Variants in EPB41L4B observed in about 807,000 individuals in gnomAD.
EPB41L4B encodes erythrocyte membrane protein band 4.1 like 4B.
EPB41L4B carries 30 observed loss-of-function variants against 112.5 expected under a neutral mutation model. The observed-to-expected ratio is 0.27, with a 90% confidence interval of 0.20 to 0.36. The LOEUF (loss-of-function observed/expected upper bound fraction) is 0.36, where lower values mean the gene tolerates loss of function less well. EPB41L4B is among the 10% of genes least tolerant of loss of function. EPB41L4B has a pLI of 1.00. For synonymous variants in EPB41L4B, 408 were observed against 439.7 expected (o/e 0.93, Z 0.90); for missense variants, 1,024 against 1,133.3 (o/e 0.90, Z 1.38).
intron 2 of EPB41L4B, among the ~76,000 whole-genome samples, chr9:109,274,402 A>G (rs1391862645): frequency 3.3e-5 from 5 of 151,956 alleles, no homozygotes; most frequent in Non-Finnish European, 5.9e-5. Context: ...TTTCTCTTGG[A>G]TATCTTGTTC....
intron 1 of EPB41L4B, among the ~76,000 whole-genome samples, chr9:109,312,354 T>C (rs543117392): frequency 1.3e-5 from 2 of 152,314 alleles, no homozygotes; most frequent in Admixed American, 6.5e-5. Context: ...TGTTGAATTA[T>C]GGCCATCAAA....
At chr9:109,276,137 A>ATAT in intron 2 of EPB41L4B, among the ~76,000 whole-genome samples, 2 of 148,290 alleles carry the variant, frequency 1.3e-5, no homozygotes, top group South Asian at 4.3e-4. Context: ...TATATACATA[A>ATAT]TATATACGTG....
chr9:109,212,954 G>A (rs991982959), intron 17 of EPB41L4B, among the ~76,000 whole-genome samples: 3 of 152,196 alleles, frequency 2.0e-5, no homozygotes, highest in East Asian at 3.9e-4. Context: ...GTTGAGAAAC[G>A]CTGGCAAAGA....
intron 15 of EPB41L4B, chr9:109,240,545 T>A (rs1588162649): frequency 2.0e-6 from 2 of 985,210 alleles, no homozygotes; most frequent in Non-Finnish European, 2.4e-6. Flanking sequence ...TCAGGTCTAT[T>A]ATTAAGAGAA....
intron 1 of EPB41L4B, among the ~76,000 whole-genome samples, chr9:109,303,082 A>C (rs192857879): frequency 5.8e-4 from 79 of 136,452 alleles, no homozygotes; most frequent in African/African-American, 1.9e-3. Flanking sequence ...CCCCATCTCT[A>C]AAAAAAAAAA....
At chr9:109,183,800 T>C (rs1832152631) in intron 23 of EPB41L4B, among the ~76,000 whole-genome samples, 1 of 152,216 alleles carries the variant, frequency 6.6e-6, no homozygotes, top group South Asian at 2.1e-4. Flanking sequence ...AGGTCTTGCC[T>C]GTGGACACTG....
intron 15 of EPB41L4B, among the ~76,000 whole-genome samples, chr9:109,219,308 C>T (rs1833492646): frequency 1.3e-5 from 2 of 152,064 alleles, no homozygotes; most frequent in African/African-American, 2.4e-5. Flanking sequence ...TTGTAACAGG[C>T]AAGCAGGGCC....
At chr9:109,243,212 CAAAAAAAAA>C (rs58092749) in intron 15 of EPB41L4B, among the ~76,000 whole-genome samples, 1 of 52,282 alleles carries the variant, frequency 1.9e-5, no homozygotes, top group Non-Finnish European at 3.1e-5. Flanking sequence ...CCCACCCCCG[CAAAAAAAAA>C]AAAAAAAAAA....
intron 2 of EPB41L4B, among the ~76,000 whole-genome samples, chr9:109,269,896 T>G (rs3793556): frequency 0.54 from 82,711 of 151,962 alleles, 22,846 homozygotes; most frequent in East Asian, 0.67. Context: ...TATGACTGTG[T>G]GGGAGGAAGG....
intron 22 of EPB41L4B, 133 bp downstream of exon 22, chr9:109,192,145 G>T: frequency 1.4e-6 from 1 of 728,680 alleles, no homozygotes; most frequent in Non-Finnish European, 2.3e-6. Context: ...CTGGATGAAA[G>T]CTGATCCCTG....
chr9:109,289,504 A>T (rs1485793907), intron 1 of EPB41L4B, among the ~76,000 whole-genome samples: 1 of 152,186 alleles, frequency 6.6e-6, no homozygotes, highest in Admixed American at 6.5e-5. Flanking sequence ...AAACATAAAC[A>T]CTAATGTGGA....
intron 25 of EPB41L4B, among the ~76,000 whole-genome samples, chr9:109,175,486 C>G (rs979873693): frequency 2.0e-5 from 3 of 150,486 alleles, no homozygotes; most frequent in African/African-American, 7.4e-5. Context: ...CACACACACA[C>G]ACACACACAC....
Position 109,279,929 on chromosome 9 carries a change from A to G in EPB41L4B, c.307-8T>C, listed in dbSNP as rs377240386. On this transcript the variant is annotated splice_region_variant and splice_polypyrimidine_tract_variant and intron_variant, in intron 1 of 25. Coordinates refer to ENST00000374566, the MANE Select transcript of EPB41L4B (RefSeq NM_019114.5). ...CTGGCCTTTGGCATGTTTCTGGAAG[A>G]CAATTGGGAAGATGAAAAAACTTAG... 6.2e-7 allele frequency: 1 copy of G among 1,610,372 alleles called. No individual in the cohort carries two copies. The highest frequency in any genetic ancestry group is 8.5e-7 in the Non-Finnish European group (1 of 1,178,522).
intron 19 of EPB41L4B, among the ~76,000 whole-genome samples, chr9:109,202,465 C>T (rs936024395): frequency 4.6e-5 from 7 of 152,190 alleles, no homozygotes; most frequent in African/African-American, 7.2e-5. Context: ...ACAAAGGATC[C>T]AAAAGGTCTG....
chr9:109,211,186 C>A (rs12336868), intron 17 of EPB41L4B, among the ~76,000 whole-genome samples: 8,714 of 152,104 alleles, frequency 0.057, 385 homozygotes, highest in Admixed American at 0.13. Context: ...CTGGAAAAAA[C>A]CTTAAAAGCC....
At chr9:109,231,512 C>T (rs1347871693) in intron 15 of EPB41L4B, among the ~76,000 whole-genome samples, 1 of 152,184 alleles carries the variant, frequency 6.6e-6, no homozygotes, top group Non-Finnish European at 1.5e-5. Flanking sequence ...GCACTTTTGA[C>T]ATGAATTCCC....
chr9:109,309,753 C>G (rs1012753875), intron 1 of EPB41L4B, among the ~76,000 whole-genome samples: 4 of 137,444 alleles, frequency 2.9e-5, no homozygotes, highest in African/African-American at 1.2e-4. Flanking sequence ...GAAATACACA[C>G]ACAGAGAGAG....
At chr9:109,215,471 G>A (rs988658032) in intron 16 of EPB41L4B, among the ~76,000 whole-genome samples, 6 of 151,960 alleles carry the variant, frequency 3.9e-5, no homozygotes, top group Non-Finnish European at 8.8e-5. Context: ...GTAGAGACAG[G>A]GTTTCACCAC....
At chr9:109,200,744 T>G (rs1055068999) in intron 19 of EPB41L4B, among the ~76,000 whole-genome samples, 2 of 152,264 alleles carry the variant, frequency 1.3e-5, no homozygotes, top group African/African-American at 4.8e-5. Flanking sequence ...CTGGTAGCTA[T>G]TCTATTTTAA....
Sources: allele counts gnomAD v4.1 joint callset (sites outside exome capture counted in the v4.1 genomes callset), GRCh38; gene constraint gnomAD v4.1.1; transcripts MANE v1.5; gene names NCBI Gene and HGNC (gene_info 2026-07-23, HGNC 2026-07-21).